The following KDM6B variants were observed in gnomAD, a reference collection of about 807,000 sequenced individuals.
The protein encoded by KDM6B is lysine demethylase 6B.
A neutral mutation model predicts 150.4 loss-of-function variants in KDM6B; 22 were observed. That is an observed-to-expected ratio of 0.15 (90% CI 0.10 to 0.21). KDM6B has a LOEUF of 0.21. Ranked by LOEUF, KDM6B falls within the 10% of genes least tolerant of loss-of-function variation. KDM6B has a pLI of 1.00. For synonymous variants in KDM6B, 1,148 were observed against 921.1 expected (o/e 1.25, Z -4.46); for missense variants, 1,984 against 2,234.3 (o/e 0.89, Z 2.26).
chr17:7,842,037 C>A (rs2078426384), intron 2 of KDM6B, among the ~76,000 whole-genome samples: 1 of 152,252 alleles, frequency 6.6e-6, no homozygotes, highest in Non-Finnish European at 1.5e-5. Flanking sequence ...TGATTGCCGG[C>A]TAGGTAAAAC....
rs1237734299 is a variant in KDM6B, at chr17:7,849,310, A to G, written c.3022A>G (p.Lys1008Glu). The G allele has an allele frequency of 2.6e-6, 4 of 1,561,670 alleles. No individual in the cohort carries two copies. The highest frequency in any genetic ancestry group is 1.7e-4 in the Middle Eastern group (1 of 5,926). The change falls in exon 12 of 24, where the codon AAG (lysine) becomes GAG (glutamate). Residue 1008 changes from lysine to glutamate, a missense_variant. By Grantham distance (56) the Lys-to-Glu change is moderately conservative. Around this residue, in one of 13 missense-constraint regions of KDM6B, gnomAD observed 1,379 missense variants for 1,275.6 expected, o/e 1.08. Transcript: ENST00000448097. ...PREGRAKAKAKVPKEKSRRVL... is the reference protein window; with the variant it reads ...PREGRAKAKAEVPKEKSRRVL... Reference sequence around the variant, plus strand: ...TGAGGGCAGGGCAAAGGCCAAGGCCAAGGTCCCCAAAGAAAAGAGCCGCCG... The same window carrying G: ...TGAGGGCAGGGCAAAGGCCAAGGCCGAGGTCCCCAAAGAAAAGAGCCGCCG...
rs2078534262 is a variant in KDM6B, at chr17:7,846,272, G to C, written c.431G>C (p.Gly144Ala). The change falls in exon 7 of 24, where the codon GGG (glycine) becomes GCG (alanine). Residue 144 changes from glycine (G) to alanine (A), a missense_variant. By Grantham distance (60) the Gly-to-Ala change is moderately conservative. Coordinates refer to ENST00000448097, the MANE Select transcript of KDM6B (RefSeq NM_001348716.2). ...LRYGGSFAEL[G>A]PRIGRLQQAQ... ...TACGGAGGAAGCTTCGCTGAGCTGG[G>C]GCCCCGCATTGGCCGACTGCAGCAG... 6.2e-7 allele frequency: 1 copy of C among 1,613,592 alleles called. No homozygotes were observed. Among genetic ancestry groups the C allele is most frequent in the Non-Finnish European group, 8.5e-7 (1 of 1,179,844 alleles).
Position 7,852,290 on chromosome 17 carries a change from C to G in KDM6B, c.4422C>G (p.Ala1474=). Reference sequence around the variant, plus strand: ...CGGGGACTGTGCACTGGGTGCAGGCCACCGGCTGGTGCAACAACATTGCCT... The same window carrying G: ...CGGGGACTGTGCACTGGGTGCAGGCGACCGGCTGGTGCAACAACATTGCCT... ...INAGTVHWVQ[A]TGWCNNIAWN... is the part of the protein sequence containing the mutation. Residue 1474 remains alanine (A), a synonymous_variant, in exon 20 of 24, where the codon GCC becomes GCG. Coordinates refer to ENST00000448097, the MANE Select transcript of KDM6B (RefSeq NM_001348716.2). 1 of 1,613,792 alleles carries G rather than the reference C, an allele frequency of 6.2e-7. No individual in the cohort carries two copies. The highest frequency in any genetic ancestry group is 8.5e-7 in the Non-Finnish European group (1 of 1,180,018).
chr17:7,847,548 C>T lies in KDM6B; in HGVS notation c.1260C>T (p.Pro420=), dbSNP rs780506933. The change falls in exon 12 of 24, where the codon CCC becomes CCT. Residue 420 remains proline (P), a splice_region_variant and synonymous_variant. Transcript: ENST00000448097. ...ACCACCTGCTTCTACACTTGCAGCC[C>T]GGCGCTGACCATTACCAAACTCCCG... ...LRGVEPNPGI[P]GADHYQTPAL... is the part of the protein sequence containing the mutation. 22 of 1,613,120 alleles carry T rather than the reference C, an allele frequency of 1.4e-5. No individual in the cohort carries two copies. Among genetic ancestry groups the T allele is most frequent in the Middle Eastern group, 1.6e-4 (1 of 6,084 alleles).
chr17:7,834,405 G>T (rs984865674), intron 1 of KDM6B, among the ~76,000 whole-genome samples, 55 bp downstream of exon 1: 4 of 152,118 alleles, frequency 2.6e-5, no homozygotes, highest in Admixed American at 6.5e-5. Context: ...CCTTGCAGCA[G>T]GGCAGGACGC....
At chr17:7,834,907 C>T (rs1240353445) in intron 1 of KDM6B, among the ~76,000 whole-genome samples, 1 of 152,068 alleles carries the variant, frequency 6.6e-6, no homozygotes. Flanking sequence ...CACTCCGTCT[C>T]GCCCCGCTAG....
At chr17:7,837,256 T>G in intron 1 of KDM6B, among the ~76,000 whole-genome samples, 1 of 151,312 alleles carries the variant, frequency 6.6e-6, no homozygotes, top group East Asian at 2.0e-4. Flanking sequence ...GAAGTGGGAG[T>G]GGTTGAAAGA....
rs2078452917 is a variant in KDM6B at position 7,843,175 on chromosome 17, G to T, written c.-268-1726G>T. Among the ~76,000 whole-genome samples, 1 of 152,074 alleles carries T rather than the reference G, an allele frequency of 6.6e-6. No individual in the cohort carries two copies. On this transcript the variant is annotated intron_variant, in intron 2 of 23. Coordinates refer to ENST00000448097, the MANE Select transcript of KDM6B (RefSeq NM_001348716.2). The surrounding 1 kb of genome is among the most constrained non-coding windows in gnomAD (Gnocchi z 4.5). ...TTTCCTGGTAACTGGCGGCGCTCTC[G>T]GGACCACTTCCCAAGCAGGCATCTG...
intron 19 of KDM6B, 24 bp from the exon 20 acceptor site, chr17:7,852,125 A>G (rs559602962): frequency 6.2e-7 from 1 of 1,613,770 alleles, no homozygotes; most frequent in African/African-American, 1.3e-5. Flanking sequence ...CCCAGTTCCC[A>G]CCTGACCTGT....
chr17:7,840,180 C>T (rs1478559647), intron 2 of KDM6B, 156 bp downstream of exon 2: 4 of 152,538 alleles, frequency 2.6e-5, no homozygotes, highest in African/African-American at 7.2e-5. Context: ...GTTCAGCCCT[C>T]CTGGTTTATG....
At chr17:7,839,213 G>A (rs936276909) in intron 1 of KDM6B, among the ~76,000 whole-genome samples, 1 of 152,140 alleles carries the variant, frequency 6.6e-6, no homozygotes, top group Non-Finnish European at 1.5e-5. Flanking sequence ...TGTCTATGAG[G>A]GTTGGGAAGG....
rs375925512 is a variant in KDM6B, at chr17:7,847,278, A to G, written c.1083A>G (p.Arg361=). 45 of 1,603,234 alleles carry G rather than the reference A, an allele frequency of 2.8e-5. 1 individual carries two copies. The highest frequency in any genetic ancestry group is 1.6e-4 in the East Asian group (7 of 44,650). The part of the protein sequence containing the change: ...PATRPPGSDL[R]ESRVQRSRMD... Reference sequence around the variant, plus strand: ...CCCGTCCCCCCGGAAGTGACCTTAGAGAGAGCAGAGTTCAGAGGTCGCGGA... The same window carrying G: ...CCCGTCCCCCCGGAAGTGACCTTAGGGAGAGCAGAGTTCAGAGGTCGCGGA... Residue 361 remains arginine, a synonymous_variant, in exon 11 of 24, where the codon AGA becomes AGG. Coordinates refer to ENST00000448097, the MANE Select transcript of KDM6B (RefSeq NM_001348716.2).
In KDM6B at chr17:7,851,972, T is replaced by A; in HGVS notation, c.4187T>A (p.Phe1396Tyr). 1.2e-6 allele frequency: 2 copies of A among 1,613,936 alleles called. No individual in the cohort carries two copies. The highest frequency in any genetic ancestry group is 1.7e-6 in the Non-Finnish European group (2 of 1,180,014). ...RTPGHQENNN[F>Y]CSVNINIGPG... Reference sequence around the variant, plus strand: ...GCAGGCCACCAGGAGAATAACAACTTCTGCTCCGTCAACATCAACATTGGC... The same window carrying A: ...GCAGGCCACCAGGAGAATAACAACTACTGCTCCGTCAACATCAACATTGGC... Residue 1396 changes from phenylalanine to tyrosine, a missense_variant, in exon 19 of 24, where the codon TTC (phenylalanine) becomes TAC (tyrosine). Physicochemically the swap from Phe to Tyr is conservative, Grantham distance 22 (BLOSUM62 3). Transcript: ENST00000448097.
At chr17:7,849,998 CAG>C in intron 13 of KDM6B, 51 bp downstream of exon 13, 1 of 1,613,526 alleles carries the variant, frequency 6.2e-7, no homozygotes. Flanking sequence ...GGTTCTAAGA[CAG>C]TGTTGGGGAC....
intron 1 of KDM6B, among the ~76,000 whole-genome samples, chr17:7,837,059 G>A (rs1010136992): frequency 6.6e-6 from 1 of 152,192 alleles, no homozygotes; most frequent in Non-Finnish European, 1.5e-5. Flanking sequence ...GCACGGGTGT[G>A]GTGTGGCTGA....
At chr17:7,838,305 G>T (rs987672685) in intron 1 of KDM6B, among the ~76,000 whole-genome samples, 2 of 59,936 alleles carry the variant, frequency 3.3e-5, no homozygotes, top group Non-Finnish European at 6.8e-5. Context: ...TGGGGAGGGA[G>T]GGAGGGGAGG....
chr17:7,848,926 C>T lies in KDM6B; in HGVS notation c.2638C>T (p.Arg880Trp), dbSNP rs373157695. Residue 880 changes from arginine (R) to tryptophan (W), a missense_variant, in exon 12 of 24, where the codon CGG (arginine) becomes TGG (tryptophan). Arg to Trp is a moderately radical substitution (Grantham distance 101). This residue lies in a region of KDM6B where 1,379 missense variants were observed against 1,275.6 expected (regional missense o/e 1.08). Transcript: ENST00000448097. The stretch of plus-strand genomic sequence containing the variant: ...CTCTACCTCAGGCGGGCCCTGGGCC[C>T]GGGAGCGCAGGGCGGGCGAAGAGCC... Reference protein sequence around the residue: ...QFSTSGGPWARERRAGEEPVP... With the variant: ...QFSTSGGPWAWERRAGEEPVP... 186 of 1,600,458 alleles carry T rather than the reference C, an allele frequency of 1.2e-4. No individual in the cohort carries two copies. The highest frequency in any genetic ancestry group is 1.7e-4 in the Middle Eastern group (1 of 6,004).
chr17:7,845,396 A>G lies in KDM6B; in HGVS notation c.-66A>G, dbSNP rs1421587819. The G allele has an allele frequency of 2.3e-5, 21 of 905,952 alleles. No individual in the cohort carries two copies. The highest frequency in any genetic ancestry group is 3.3e-5 in the Non-Finnish European group (18 of 548,934). 56.1% of individuals were successfully genotyped at this position (905,952 alleles called of 1,614,324 possible). The stretch of plus-strand genomic sequence containing the variant: ...GCGGCTGGAGCCGGACCATCGTCCC[A>G]GAGAGCTGGGGCAGGGGGCCGTGCC... On this transcript the variant is annotated 5_prime_UTR_variant, in exon 4 of 24. Coordinates refer to ENST00000448097, the MANE Select transcript of KDM6B (RefSeq NM_001348716.2).
At chr17:7,846,377 G>GGGCCCCCC in intron 7 of KDM6B, 23 bp from the exon 8 acceptor site, 4 of 1,479,326 alleles carry the variant, frequency 2.7e-6, no homozygotes, top group Non-Finnish European at 3.6e-6. Context: ...ATCTGCCCCT[G>GGGCCCCCC]CCCCGTGTCC....
Sources: gnomAD v4.1 joint callset for allele counts (sites outside exome capture counted in the v4.1 genomes callset) on GRCh38, gnomAD v4.1.1 for gene constraint, gnomAD v4.1.1 regional missense constraint, Gnocchi (gnomAD v3.1) non-coding constraint, MANE v1.5 for transcripts, NCBI Gene and HGNC (gene_info 2026-07-23, HGNC 2026-07-21) for gene names.